Variants in ADAMTS18 observed in about 807,000 individuals in gnomAD.
The protein encoded by ADAMTS18 is ADAM metallopeptidase with thrombospondin type 1 motif 18, also known as A disintegrin and metalloproteinase with thrombospondin motifs 18.
A neutral mutation model predicts 165.9 loss-of-function variants in ADAMTS18; 157 were observed. The observed-to-expected ratio is 0.95, with a 90% CI of 0.83 to 1.08. The LOEUF (loss-of-function observed/expected upper bound fraction) is 1.08. Ranked by LOEUF, ADAMTS18 falls within the 50% of genes least tolerant of loss-of-function variation. ADAMTS18 has a pLI of 0.00. For missense variants in ADAMTS18, 2,040 were observed against 1,534.0 expected, an observed-to-expected ratio of 1.33 and a Z score of -5.51; for synonymous variants, 782 against 578.2, an observed-to-expected ratio of 1.35 and a Z score of -5.06.
chr16:77,373,768 G>C (rs933195476), intron 3 of ADAMTS18, among the ~76,000 whole-genome samples: 2 of 152,090 alleles, frequency 1.3e-5, no homozygotes, highest in South Asian at 2.1e-4. Context: ...AATAATCTCA[G>C]GTCACAGTTT....
chr16:77,419,976 C>A (rs1298619707), intron 3 of ADAMTS18, among the ~76,000 whole-genome samples: 1 of 128,424 alleles, frequency 7.8e-6, no homozygotes, highest in Non-Finnish European at 1.6e-5. Flanking sequence ...CCAGCCCGGG[C>A]AACAGTGTGA....
At chr16:77,291,513 C>G (rs756383762) in intron 20 of ADAMTS18, 35 bp from the exon 21 acceptor site, 1 of 1,599,330 alleles carries the variant, frequency 6.3e-7, no homozygotes, top group South Asian at 1.1e-5. Context: ...AAAGTGAAGA[C>G]TGCCAGGATC....
chr16:77,367,854 T>G, intron 3 of ADAMTS18, 131 bp from the exon 4 acceptor site: 3 of 989,304 alleles, frequency 3.0e-6, no homozygotes, highest in Non-Finnish European at 3.2e-6. Flanking sequence ...ACATATTGCC[T>G]CATTTTTATC....
rs1232301713 is a variant in ADAMTS18 at position 77,283,358 on chromosome 16, G to C, written c.*598C>G. Reference sequence around the variant, plus strand: ...TAGTCTCAGAGACTCTCTATAAGCAGAATATAGTTTACACAAAATAATAAA... The same window carrying C: ...TAGTCTCAGAGACTCTCTATAAGCACAATATAGTTTACACAAAATAATAAA... On this transcript the variant is annotated 3_prime_UTR_variant, in exon 23 of 23. Transcript: ENST00000282849. 1.3e-5 allele frequency: 2 copies of C among 153,990 alleles called. No individual in the cohort carries two copies. The highest frequency in any genetic ancestry group is 2.9e-5 in the Non-Finnish European group (2 of 69,154). 9.5% of individuals were successfully genotyped at this position (153,990 alleles called of 1,614,324 possible). A position where few individuals can be genotyped will look rare whatever the true frequency, so the allele number is the denominator to read the frequency against.
At chr16:77,355,898 C>G (rs1448753106) in intron 9 of ADAMTS18, 42 bp downstream of exon 9, 1 of 1,612,976 alleles carries the variant, frequency 6.2e-7, no homozygotes, top group Non-Finnish European at 8.5e-7. Flanking sequence ...ATTCTGTCAT[C>G]ACTCCAAACC....
At chr16:77,384,573 C>T (rs774800521) in intron 3 of ADAMTS18, among the ~76,000 whole-genome samples, 4 of 152,224 alleles carry the variant, frequency 2.6e-5, no homozygotes, top group South Asian at 2.1e-4. Context: ...CATTGGGGAA[C>T]GTCTGAAGGT....
At chr16:77,373,581 G>T (rs1172574788) in intron 3 of ADAMTS18, among the ~76,000 whole-genome samples, 5 of 152,150 alleles carry the variant, frequency 3.3e-5, no homozygotes, top group Non-Finnish European at 7.4e-5. Context: ...GAGTGGAGAT[G>T]AGGGATAAAA....
chr16:77,420,536 C>A (rs148207665), intron 3 of ADAMTS18, among the ~76,000 whole-genome samples: 13 of 152,260 alleles, frequency 8.5e-5, no homozygotes, highest in Middle Eastern at 3.4e-3. Context: ...GACTTATGTG[C>A]TAGTCATACA....
chr16:77,344,429 T>A (rs996345931), intron 10 of ADAMTS18, among the ~76,000 whole-genome samples: 3 of 152,004 alleles, frequency 2.0e-5, no homozygotes, highest in African/African-American at 7.2e-5. Context: ...CATCGCTACG[T>A]GTTGTCGTAT....
At position 77,364,279 on chromosome 16, in the gene ADAMTS18, T is replaced by C. The variant is rs777714562; in HGVS notation, c.881A>G (p.Asn294Ser). 6.2e-6 allele frequency: 10 copies of C among 1,614,014 alleles called. No individual in the cohort carries two copies. Among genetic ancestry groups the C allele is most frequent in the South Asian group, 3.3e-5 (3 of 91,076 alleles). ...RSAGKSQKGLNVETLVVADKK... is the reference protein window; with the variant it reads ...RSAGKSQKGLSVETLVVADKK... Reference sequence around the variant, plus strand: ...GTCTGCCACCACGAGGGTTTCCACATTGAGGCCCTTTTGTGATTTTCCAGC... The same window carrying C: ...GTCTGCCACCACGAGGGTTTCCACACTGAGGCCCTTTTGTGATTTTCCAGC... The change falls in exon 5 of 23, where the codon AAT becomes AGT. Residue 294 changes from asparagine (N) to serine (S), a missense_variant. Transcript: ENST00000282849.
intron 9 of ADAMTS18, 119 bp downstream of exon 9, chr16:77,355,821 C>T: frequency 8.3e-7 from 1 of 1,208,628 alleles, no homozygotes. Context: ...CATCATTTGT[C>T]TTTCTGTTTA....
intron 3 of ADAMTS18, among the ~76,000 whole-genome samples, chr16:77,403,207 A>G (rs2057353187): frequency 6.6e-6 from 1 of 152,208 alleles, no homozygotes; most frequent in East Asian, 1.9e-4. Context: ...AAAGAAAATA[A>G]TTAATTATTA....
In ADAMTS18 at chr16:77,283,469, A is replaced by G. The variant is rs1209150908; in HGVS notation, c.*487T>C. The G allele has an allele frequency of 1.2e-5, 2 of 170,050 alleles. No homozygotes were observed. Among genetic ancestry groups the G allele is most frequent in the Non-Finnish European group, 2.5e-5 (2 of 78,850 alleles). 10.5% of individuals were successfully genotyped at this position (170,050 alleles called of 1,614,324 possible). On this transcript the variant is annotated 3_prime_UTR_variant, in exon 23 of 23. Coordinates refer to ENST00000282849, the MANE Select transcript of ADAMTS18 (RefSeq NM_199355.4). Reference sequence around the variant, plus strand: ...GCGAGCACCATTTGGCTTCTCATAGAACTCCTGGCTTGGGTGTTCACAGGG... The same window carrying G: ...GCGAGCACCATTTGGCTTCTCATAGGACTCCTGGCTTGGGTGTTCACAGGG...
intron 8 of ADAMTS18, among the ~76,000 whole-genome samples, chr16:77,357,911 T>A (rs894359584): frequency 6.6e-6 from 1 of 152,216 alleles, no homozygotes; most frequent in Non-Finnish European, 1.5e-5. Flanking sequence ...CTTTTCCTTA[T>A]CTAAAATGTT....
chr16:77,385,962 C>T (rs1333123441), intron 3 of ADAMTS18, among the ~76,000 whole-genome samples: 1 of 152,178 alleles, frequency 6.6e-6, no homozygotes, highest in African/African-American at 2.4e-5. Context: ...CTGGGGAGAA[C>T]AAAGAACTGT....
At chr16:77,329,212 C>T (rs1411602508) in intron 12 of ADAMTS18, among the ~76,000 whole-genome samples, 1 of 151,932 alleles carries the variant, frequency 6.6e-6, no homozygotes, top group Non-Finnish European at 1.5e-5. Flanking sequence ...CTCAAGTAAT[C>T]CTCCTGCCTC....
chr16:77,364,186 A>G lies in ADAMTS18; in HGVS notation c.972+2T>C. 1.2e-6 allele frequency: 2 copies of G among 1,614,070 alleles called. No individual in the cohort carries two copies. The highest frequency in any genetic ancestry group is 1.7e-6 in the Non-Finnish European group (2 of 1,180,008). ...CAGAAGGTTTGTGACACCCCCGCTT[A>G]CCATGTTCATTACTGTGAGAATGTA... On this transcript the variant is annotated splice_donor_variant, in intron 5 of 22. Coordinates refer to ENST00000282849, the MANE Select transcript of ADAMTS18 (RefSeq NM_199355.4). LOFTEE classifies it high-confidence loss of function.
intron 3 of ADAMTS18, among the ~76,000 whole-genome samples, chr16:77,413,130 A>G (rs894324521): frequency 3.3e-5 from 5 of 152,188 alleles, no homozygotes; most frequent in Non-Finnish European, 5.9e-5. Context: ...CAACAAGAAT[A>G]GACAGAGGAG....
At chr16:77,367,329 G>A in intron 4 of ADAMTS18, 112 bp downstream of exon 4, 1 of 1,185,718 alleles carries the variant, frequency 8.4e-7, no homozygotes, top group South Asian at 1.3e-5. Flanking sequence ...CACCAAGACA[G>A]ATGCTCAGGG....
Sources: allele counts gnomAD v4.1 joint callset (sites outside exome capture counted in the v4.1 genomes callset), GRCh38; gene constraint gnomAD v4.1.1; transcripts MANE v1.5; gene names NCBI Gene and HGNC (gene_info 2026-07-23, HGNC 2026-07-21).